The following FDXR variants were observed in gnomAD, a reference collection of about 807,000 sequenced individuals.
FDXR encodes the protein ferredoxin reductase.
Under a neutral mutation model 58.3 loss-of-function variants are expected in FDXR, and 38 were observed. The ratio of observed to expected loss-of-function variants is 0.65; its 90% CI spans 0.50 to 0.85. The LOEUF (loss-of-function observed/expected upper bound fraction) is 0.85. Among genes scored for constraint, FDXR ranks in the 40% least tolerant of loss-of-function variants. The probability of loss-of-function intolerance (pLI) is 0.00; values close to 1 mark genes in which losing one functional copy is unlikely to be tolerated. For missense variants in FDXR, 624 were observed against 671.0 expected (o/e 0.93, Z 0.77); for synonymous variants, 275 against 273.8 (o/e 1.00, Z -0.04).
Position 74,863,991 on chromosome 17 carries a change from A to G in FDXR, c.1079T>C (p.Ile360Thr), listed in dbSNP as rs1195942249. The G allele has an allele frequency of 5.0e-6, 8 of 1,613,952 alleles. No individual in the cohort carries two copies. Among genetic ancestry groups the G allele is most frequent in the African/African-American group, 1.3e-5 (1 of 75,032 alleles). ...GTCGACAGGGCGGCTCTTATACCCA[A>G]TGCTGCTGAGCACCAGCCCACAAGG... ...DLPCGLVLSS[I>T]GYKSRPVDPS... The change falls in exon 10 of 12, where the codon ATT becomes ACT. Residue 360 changes from isoleucine (I) to threonine (T), a missense_variant. Coordinates refer to ENST00000293195, the MANE Select transcript of FDXR (RefSeq NM_024417.5).
intron 2 of FDXR, among the ~76,000 whole-genome samples, chr17:74,869,117 A>G (rs759653291): frequency 6.6e-6 from 1 of 152,100 alleles, no homozygotes; most frequent in Non-Finnish European, 1.5e-5. Flanking sequence ...CCCCACTGCT[A>G]TCTGGCCACC....
At position 74,865,830 on chromosome 17, in the gene FDXR, A is replaced by G; in HGVS notation, c.508-10T>C. Reference sequence around the variant, plus strand: ...TCAGGTCTGGCTCCAGCTGGAGGGGAAAGGTCTTGATAGGGTCCCCCAGCC... The same window carrying G: ...TCAGGTCTGGCTCCAGCTGGAGGGGGAAGGTCTTGATAGGGTCCCCCAGCC... On this transcript the variant is annotated splice_polypyrimidine_tract_variant and intron_variant, in intron 5 of 11. Coordinates refer to ENST00000293195, the MANE Select transcript of FDXR (RefSeq NM_024417.5). 6.2e-7 allele frequency: 1 copy of G among 1,607,142 alleles called. No individual in the cohort carries two copies.
rs113594178 is a variant in FDXR at position 74,863,142 on chromosome 17, C to G, written c.1279G>C (p.Ala427Pro). The change falls in exon 11 of 12, where the codon GCT becomes CCT. Residue 427 changes from alanine to proline, a missense_variant. Physicochemically the swap from Ala to Pro is conservative, Grantham distance 27. Transcript: ENST00000293195. ...TGQMLLQDLK[A>P]GLLPSGPRPG... Reference sequence around the variant, plus strand: ...CTGGGGCCAGAGGGGAGCAACCCAGCCTTCAGGTCCTGCAGCAGCATCTGG... The same window carrying G: ...CTGGGGCCAGAGGGGAGCAACCCAGGCTTCAGGTCCTGCAGCAGCATCTGG... 9 of 1,613,788 alleles carry G rather than the reference C, an allele frequency of 5.6e-6. No homozygotes were observed. Among genetic ancestry groups the G allele is most frequent in the Non-Finnish European group, 7.6e-6 (9 of 1,179,998 alleles).
chr17:74,865,676 G>T (rs775896380), intron 6 of FDXR, 43 bp downstream of exon 6: 3 of 1,396,484 alleles, frequency 2.1e-6, no homozygotes, highest in Non-Finnish European at 2.0e-6. Flanking sequence ...TCTCCTCAGG[G>T]TGACCCCACC....
rs780093358 is a variant in FDXR at position 74,864,358 on chromosome 17, C to A, written c.803-11G>T. 1.6e-5 allele frequency: 25 copies of A among 1,579,118 alleles called. No individual in the cohort carries two copies. The Admixed American group carries it at 2.1e-4, about 13-fold the overall frequency. ...TCGGGCGGGGGACCTCTGTCAGCAA[C>A]GTAGAATGTCTCCAGGCTGTCCCTG... On this transcript the variant is annotated splice_polypyrimidine_tract_variant and intron_variant, in intron 8 of 11. Transcript: ENST00000293195.
intron 2 of FDXR, among the ~76,000 whole-genome samples, chr17:74,870,531 A>AAAG (rs2038339489): frequency 6.7e-6 from 1 of 149,988 alleles, no homozygotes; most frequent in African/African-American, 2.5e-5. Context: ...AAAAAAAAAA[A>AAAG]AAAAAAAGAA....
Position 74,864,004 on chromosome 17 carries a change from C to G in FDXR, c.1066G>C (p.Val356Leu), listed in dbSNP as rs767557339. 1.1e-5 allele frequency: 17 copies of G among 1,613,954 alleles called. No homozygotes were observed. The East Asian group carries it at 3.8e-4, about 36-fold the overall frequency. ...CTCTTATACCCAATGCTGCTGAGCACCAGCCCACAAGGGAGGTCTTCCATG... is the reference window on the plus strand; with the variant it reads ...CTCTTATACCCAATGCTGCTGAGCAGCAGCCCACAAGGGAGGTCTTCCATG... ...GDMEDLPCGL[V>L]LSSIGYKSRP... Residue 356 changes from valine to leucine, a missense_variant, in exon 10 of 12, where the codon GTG becomes CTG. Transcript: ENST00000293195.
At chr17:74,867,922 G>T (rs774210707) in intron 2 of FDXR, among the ~76,000 whole-genome samples, 1 of 152,124 alleles carries the variant, frequency 6.6e-6, no homozygotes, top group Non-Finnish European at 1.5e-5. Context: ...GCCACAGGCC[G>T]GTTAGCAGTA....
chr17:74,872,730 C>T (rs950571341), intron 1 of FDXR, 136 bp downstream of exon 1: 1 of 1,520,890 alleles, frequency 6.6e-7, no homozygotes, highest in African/African-American at 1.4e-5. Context: ...CGTACACCAC[C>T]GGGATCTCGC....
intron 1 of FDXR, 49 bp downstream of exon 1, chr17:74,872,817 G>C (rs1259244382): frequency 6.5e-7 from 1 of 1,541,792 alleles, no homozygotes; most frequent in Non-Finnish European, 8.7e-7. Flanking sequence ...CTCAGCGCTC[G>C]CAGGCCTCCC....
At chr17:74,870,795 CTCT>C (rs1230532004) in intron 2 of FDXR, among the ~76,000 whole-genome samples, 8 of 95,660 alleles carry the variant, frequency 8.4e-5, no homozygotes, top group Middle Eastern at 4.6e-3. Flanking sequence ...TGCACTGTCT[CTCT>C]TTTTTTTTTT....
rs200007978 is a variant in FDXR, at chr17:74,865,790, C to T, written c.538G>A (p.Val180Met). 2.5e-5 allele frequency: 41 copies of T among 1,613,674 alleles called. No homozygotes were observed. Among genetic ancestry groups the T allele is most frequent in the African/African-American group, 8.0e-5 (6 of 75,042 alleles). Reference sequence around the variant, plus strand: ...GCCACGTTCCCCTGCCCCAGAATCACGGCTGTGTCACAGCTCAGGTCTGGC... The same window carrying T: ...GCCACGTTCCCCTGCCCCAGAATCATGGCTGTGTCACAGCTCAGGTCTGGC... ...LEPDLSCDTA[V>M]ILGQGNVALD... The change falls in exon 6 of 12, where the codon GTG becomes ATG. Residue 180 changes from valine (V) to methionine (M), a missense_variant. By Grantham distance (21) the Val-to-Met change is conservative. Coordinates refer to ENST00000293195, the MANE Select transcript of FDXR (RefSeq NM_024417.5).
intron 2 of FDXR, among the ~76,000 whole-genome samples, chr17:74,869,400 T>C (rs2038298043): frequency 6.6e-6 from 1 of 152,142 alleles, no homozygotes; most frequent in South Asian, 2.1e-4. Flanking sequence ...CTCCAGAGCC[T>C]GGTCAATGGC....
intron 7 of FDXR, 124 bp from the exon 8 acceptor site, chr17:74,864,688 G>GC: frequency 7.0e-7 from 1 of 1,428,104 alleles, no homozygotes; most frequent in Non-Finnish European, 9.7e-7. Flanking sequence ...AAGGCACAGG[G>GC]CCCCCGGGGC....
intron 2 of FDXR, among the ~76,000 whole-genome samples, chr17:74,870,596 A>C (rs1303472161): frequency 6.6e-6 from 1 of 151,588 alleles, no homozygotes; most frequent in African/African-American, 2.4e-5. Context: ...TCAGCTAAAA[A>C]AAAACTGTCC....
At chr17:74,864,695 G>A (rs2038106827) in intron 7 of FDXR, 129 bp downstream of exon 7, 8 of 1,456,970 alleles carry the variant, frequency 5.5e-6, no homozygotes, top group Non-Finnish European at 6.6e-6. Context: ...AGGGCCCCCG[G>A]GGCCCTGACT....
At chr17:74,863,722 G>T (rs1229159412) in intron 10 of FDXR, among the ~76,000 whole-genome samples, 174 bp downstream of exon 10, 1 of 152,240 alleles carries the variant, frequency 6.6e-6, no homozygotes, top group African/African-American at 2.4e-5. Context: ...GTCCTAGCCA[G>T]ACTGGAACTT....
rs752926045 is a variant in FDXR, at chr17:74,872,936, C to T, written c.9G>A (p.Ser3=). The T allele has an allele frequency of 1.3e-6, 2 of 1,556,088 alleles. No individual in the cohort carries two copies. Among genetic ancestry groups the T allele is most frequent in the Non-Finnish European group, 8.7e-7 (1 of 1,150,296 alleles). Residue 3 remains serine, a synonymous_variant, in exon 1 of 12, where the codon TCG becomes TCA. Transcript: ENST00000293195. The part of the protein sequence containing the change: MA[S]RCWRWWGWSA... Reference sequence around the variant, plus strand: ...ACCAGCCCCACCAGCGCCAGCAGCGCGAAGCCATGGCTGGGAGCAGCAACC... The same window carrying T: ...ACCAGCCCCACCAGCGCCAGCAGCGTGAAGCCATGGCTGGGAGCAGCAACC...
chr17:74,865,690 A>G (rs1212152034), intron 6 of FDXR, 29 bp downstream of exon 6: 1 of 1,536,988 alleles, frequency 6.5e-7, no homozygotes, highest in Admixed American at 1.8e-5. Context: ...CCCCACCTCC[A>G]ACCCCGCCAG....
Sources: gnomAD v4.1 joint callset for allele counts (sites outside exome capture counted in the v4.1 genomes callset) on GRCh38, gnomAD v4.1.1 for gene constraint, MANE v1.5 for transcripts, NCBI Gene and HGNC (gene_info 2026-07-23, HGNC 2026-07-21) for gene names.